The following UGT1A5 variants were observed in gnomAD, a reference collection of about 807,000 sequenced individuals.
UGT1A5 encodes UDP-glucuronosyltransferase 1A5.
Under a neutral mutation model 40.3 loss-of-function variants are expected in UGT1A5, and 29 were observed. That is an observed-to-expected ratio of 0.72 (90% CI 0.54 to 0.98). The LOEUF is 0.98. Ranked by LOEUF, UGT1A5 falls within the 50% of genes least tolerant of loss-of-function variation. The pLI, the probability that UGT1A5 is intolerant of heterozygous loss-of-function variation, is 0.00. For missense variants in UGT1A5, 678 were observed against 677.9 expected, an observed-to-expected ratio of 1.00 and a Z score of 0.00; for synonymous variants, 257 against 262.5, an observed-to-expected ratio of 0.98 and a Z score of 0.20.
At chr2:233,733,540 G>A (rs1459592747) in intron 1 of UGT1A5, among the ~76,000 whole-genome samples, 2 of 152,164 alleles carry the variant, frequency 1.3e-5, no homozygotes, top group Non-Finnish European at 2.9e-5. Flanking sequence ...TTTGTTGAAG[G>A]CCTTTTCTGC....
At chr2:233,746,254 A>G (rs184175169) in intron 1 of UGT1A5, among the ~76,000 whole-genome samples, 17 of 151,944 alleles carry the variant, frequency 1.1e-4, no homozygotes, top group Non-Finnish European at 1.5e-4. Context: ...ACAAGGCAGA[A>G]CAGAACAAAA....
At chr2:233,762,213 C>T (rs889171473) in intron 1 of UGT1A5, among the ~76,000 whole-genome samples, 1 of 152,104 alleles carries the variant, frequency 6.6e-6, no homozygotes, top group Non-Finnish European at 1.5e-5. Flanking sequence ...ATTTGGCGCC[C>T]CATAAATCTC....
rs371053346 is a variant in UGT1A5 at position 233,720,746 on chromosome 2, C to T, written c.867+6888C>T. On this transcript the variant is annotated intron_variant, in intron 1 of 4. Coordinates refer to ENST00000373414, the MANE Select transcript of UGT1A5 (RefSeq NM_019078.2). ...CTTGAGACTGAGCCTCGTTCTGTCG[C>T]CCAGGCTGGAGGGCAGTGGCCGGAT... is the stretch of plus-strand genomic sequence containing the variant. Among the ~76,000 whole-genome samples the T allele has an allele frequency of 1.6e-4, 24 of 151,102 alleles. No individual in the cohort carries two copies. The South Asian group carries it at 4.7e-3, about 29-fold the overall frequency.
chr2:233,760,572 C>T (rs1697490823), intron 1 of UGT1A5: 12 of 1,614,062 alleles, frequency 7.4e-6, no homozygotes, highest in East Asian at 2.2e-5. Context: ...TTGTTAGTCT[C>T]GGGCATAATG....
chr2:233,761,873 C>T (rs930936969), intron 1 of UGT1A5, among the ~76,000 whole-genome samples: 2 of 152,192 alleles, frequency 1.3e-5, no homozygotes, highest in South Asian at 2.1e-4. Flanking sequence ...TTTCAGAGAG[C>T]GTTCATTCAC....
Position 233,729,550 on chromosome 2 carries a change from A to C in UGT1A5, c.867+15692A>C, listed in dbSNP as rs780321158. On this transcript the variant is annotated intron_variant, in intron 1 of 4. Transcript: ENST00000373414. ...TAATGAGGCCCTGATCAGGCACCTG[A>C]ATGCTACTTCCTTTGATGTGGTTTT... 8 of 1,614,098 alleles carry C rather than the reference A, an allele frequency of 5.0e-6. No homozygotes were observed. Among genetic ancestry groups the C allele is most frequent in the African/African-American group, 1.3e-5 (1 of 75,014 alleles).
In UGT1A5 at chr2:233,769,240, G is replaced by A. The variant is rs1056982803; in HGVS notation, c.1307+801G>A. The stretch of plus-strand genomic sequence containing the variant: ...TTAGAATAAGAGCAAAGGAAAATTT[G>A]CTCAAATGTGGCCCTGAAAACGATT... On this transcript the variant is annotated intron_variant, in intron 4 of 4. Transcript: ENST00000373414. This position sits in a 1 kb window ranked among gnomAD's most constrained non-coding sequence, Gnocchi z 4.4. 6.6e-6 allele frequency among the ~76,000 whole-genome samples: 1 copy of A among 152,196 alleles called. No individual in the cohort carries two copies. The highest frequency in any genetic ancestry group is 6.5e-5 in the Admixed American group (1 of 15,280).
At chr2:233,724,125 C>T (rs2077171619) in intron 1 of UGT1A5, among the ~76,000 whole-genome samples, 1 of 108,600 alleles carries the variant, frequency 9.2e-6, no homozygotes, top group African/African-American at 4.7e-5. Flanking sequence ...AGGCGCCCCT[C>T]ACCTCCCGGA....
chr2:233,721,852 T>C (rs2076975990), intron 1 of UGT1A5: 1 of 513,872 alleles, frequency 1.9e-6, no homozygotes, highest in African/African-American at 1.9e-5. Flanking sequence ...CCAGCCCCAC[T>C]GCTCGGCCCT....
At chr2:233,733,983 C>A (rs1268250784) in intron 1 of UGT1A5, among the ~76,000 whole-genome samples, 1 of 151,994 alleles carries the variant, frequency 6.6e-6, no homozygotes, top group African/African-American at 2.4e-5. Context: ...GGAGGGATAG[C>A]ATTAGGAGAT....
At chr2:233,757,560 A>ATATATATATATATATATATATATATATG (rs904896556) in intron 1 of UGT1A5, among the ~76,000 whole-genome samples, 8 of 123,138 alleles carry the variant, frequency 6.5e-5, no homozygotes, top group African/African-American at 2.4e-4. Flanking sequence ...ATATATATAT[A>ATATATATATATATATATATATATATATG]TGTATATATG....
Position 233,767,859 on chromosome 2 carries a change from G to T in UGT1A5, c.1010G>T (p.Arg337Leu). Residue 337 changes from arginine (R) to leucine (L), a missense_variant, in exon 3 of 5, where the codon CGG becomes CTG. Arg to Leu is a moderately radical substitution (Grantham distance 102, BLOSUM62 -2). Coordinates refer to ENST00000373414, the MANE Select transcript of UGT1A5 (RefSeq NM_019078.2). ...TTTTGCCCCTCCCAGGTCCTGTGGC[G>T]GTACACTGGAACCCGACCATCGAAT... ...LGKIPQTVLW[R>L]YTGTRPSNLA... 6.2e-7 allele frequency: 1 copy of T among 1,614,058 alleles called. No individual in the cohort carries two copies.
At chr2:233,718,319 T>C (rs1258120850) in intron 1 of UGT1A5, among the ~76,000 whole-genome samples, 1 of 152,270 alleles carries the variant, frequency 6.6e-6, no homozygotes, top group Non-Finnish European at 1.5e-5. Flanking sequence ...TAGAGAAAGC[T>C]GGCTTAGCAA....
At chr2:233,746,544 A>G (rs1423478366) in intron 1 of UGT1A5, among the ~76,000 whole-genome samples, 1 of 151,624 alleles carries the variant, frequency 6.6e-6, no homozygotes, top group East Asian at 1.9e-4. Flanking sequence ...CTGCTGTGTG[A>G]CTTCTTAGCC....
At chr2:233,761,295 T>C in intron 1 of UGT1A5, 1 of 1,507,920 alleles carries the variant, frequency 6.6e-7, no homozygotes. Flanking sequence ...GACTCCTAGG[T>C]TTGAGTCTGT....
chr2:233,765,616 G>A (rs1387784053), intron 1 of UGT1A5, among the ~76,000 whole-genome samples: 1 of 151,774 alleles, frequency 6.6e-6, no homozygotes, highest in Non-Finnish European at 1.5e-5. Flanking sequence ...CGGGGTGAGG[G>A]GTGAGGGGAG....
intron 1 of UGT1A5, chr2:233,721,958 T>G (rs1019099547): frequency 6.3e-6 from 2 of 316,544 alleles, no homozygotes; most frequent in Non-Finnish European, 1.3e-5. Flanking sequence ...TCTTTGTATA[T>G]GCATACATTG....
chr2:233,727,709 G>T (rs1490010404), intron 1 of UGT1A5, among the ~76,000 whole-genome samples: 2 of 152,172 alleles, frequency 1.3e-5, no homozygotes, highest in African/African-American at 4.8e-5. Flanking sequence ...AGTTCCCAAA[G>T]CCCTTGCAGA....
intron 1 of UGT1A5, among the ~76,000 whole-genome samples, chr2:233,765,411 G>A (rs1367476072): frequency 6.6e-6 from 1 of 152,138 alleles, no homozygotes; most frequent in East Asian, 1.9e-4. Flanking sequence ...ATACACCATG[G>A]AATACTATGC....
Sources: allele counts gnomAD v4.1 joint callset (sites outside exome capture counted in the v4.1 genomes callset), GRCh38; gene constraint gnomAD v4.1.1; non-coding constraint Gnocchi (gnomAD v3.1); transcripts MANE v1.5; gene names NCBI Gene and HGNC (gene_info 2026-07-23, HGNC 2026-07-21).